The following ZC3H3 variants were observed in gnomAD, a reference collection of about 807,000 sequenced individuals.
ZC3H3 encodes the protein zinc finger CCCH domain-containing protein 3.
ZC3H3 carries 36 observed loss-of-function variants against 77.3 expected under a neutral mutation model. That is an observed-to-expected ratio of 0.47 (90% CI 0.36 to 0.61). The LOEUF (loss-of-function observed/expected upper bound fraction) is 0.61, where lower values mean the gene tolerates loss of function less well. ZC3H3 is among the 20% of genes least tolerant of loss of function. ZC3H3 has a pLI of 0.00. For missense variants in ZC3H3, 1,331 were observed against 1,312.2 expected (o/e 1.01, Z -0.22); for synonymous variants, 626 against 555.2 (o/e 1.13, Z -1.79).
Position 143,437,884 on chromosome 8 carries a change from G to A in ZC3H3, c.*172C>T, listed in dbSNP as rs1391246433. On this transcript the variant is annotated 3_prime_UTR_variant, in exon 12 of 12. Coordinates refer to ENST00000262577, the MANE Select transcript of ZC3H3 (RefSeq NM_015117.3). ...TTGGGGGAGGAAGACCAGGCCCTGC[G>A]CACACGCTGGTCATGGAAGGTTGAG... 23 of 875,918 alleles carry A rather than the reference G, an allele frequency of 2.6e-5. No homozygotes were observed. The highest frequency in any genetic ancestry group is 5.5e-5 in the East Asian group (2 of 36,512). 54.3% of individuals were successfully genotyped at this position (875,918 alleles called of 1,614,324 possible). A position where few individuals can be genotyped will look rare whatever the true frequency, so the allele number is the denominator to read the frequency against.
rs116596794 is a variant in ZC3H3, at chr8:143,496,204, G to A, written c.1715+11542C>T. Among the ~76,000 whole-genome samples, 246 of 152,278 alleles carry A rather than the reference G, an allele frequency of 1.6e-3. 1 individual carries two copies. Among genetic ancestry groups the A allele is most frequent in the African/African-American group, 5.8e-3 (242 of 41,540 alleles). On this transcript the variant is annotated intron_variant, in intron 4 of 11. Transcript: ENST00000262577. ...TGTCAGGGTGCGGGTGTGCATGGGA[G>A]TGGGAGCAGACACTCAACGCCCTTG...
At chr8:143,523,423 T>C in intron 3 of ZC3H3, 1 of 985,420 alleles carries the variant, frequency 1.0e-6, no homozygotes, top group Non-Finnish European at 1.2e-6. Context: ...GTGCCCTGTC[T>C]GGAAGGTGAT....
chr8:143,531,964 T>C (rs1822625733), intron 3 of ZC3H3, among the ~76,000 whole-genome samples: 2 of 152,234 alleles, frequency 1.3e-5, no homozygotes, highest in Admixed American at 6.5e-5. Context: ...TTAATGTTGA[T>C]TGTGACGGAA....
chr8:143,541,282 G>A, intron 1 of ZC3H3, 94 bp downstream of exon 1: 1 of 1,582,760 alleles, frequency 6.3e-7, no homozygotes, highest in South Asian at 1.1e-5. Flanking sequence ...GAACACGCGG[G>A]CGGTGAGCGA....
chr8:143,495,726 G>A (rs1309209385), intron 4 of ZC3H3, among the ~76,000 whole-genome samples: 3 of 151,232 alleles, frequency 2.0e-5, no homozygotes, highest in African/African-American at 4.9e-5. Flanking sequence ...GGGTACAGGT[G>A]CATGCCACCA....
Position 143,538,003 on chromosome 8 carries a change from C to A in ZC3H3, c.1364G>T (p.Ser455Ile). 1.3e-6 allele frequency: 2 copies of A among 1,597,022 alleles called. No individual in the cohort carries two copies. Among genetic ancestry groups the A allele is most frequent in the Non-Finnish European group, 8.5e-7 (1 of 1,170,950 alleles). Residue 455 changes from serine to isoleucine, a missense_variant and splice_region_variant, in exon 2 of 12, where the codon AGC becomes ATC. By Grantham distance (142) the Ser-to-Ile change is moderately radical. Transcript: ENST00000262577. Reference sequence around the variant, plus strand: ...TACCGCAGCCGGCCGGGATGCCCACCTTGTGCTGCTGCGTCTCCGGATGAT... The same window carrying A: ...TACCGCAGCCGGCCGGGATGCCCACATTGTGCTGCTGCGTCTCCGGATGAT... ...TKIIRRRSST[S>I]LPGDKKSGTS...
At chr8:143,480,816 C>T (rs545876541) in intron 4 of ZC3H3, among the ~76,000 whole-genome samples, 2 of 152,336 alleles carry the variant, frequency 1.3e-5, no homozygotes, top group African/African-American at 4.8e-5. Flanking sequence ...GTCAGCGTGA[C>T]TGGCACACTG....
intron 3 of ZC3H3, among the ~76,000 whole-genome samples, chr8:143,522,452 A>T (rs1822278227): frequency 6.6e-6 from 1 of 152,030 alleles, no homozygotes; most frequent in Non-Finnish European, 1.5e-5. Flanking sequence ...AAAACATAAA[A>T]ATTAGCCGGA....
chr8:143,485,356 A>G (rs141028041), intron 4 of ZC3H3, among the ~76,000 whole-genome samples: 24 of 152,350 alleles, frequency 1.6e-4, no homozygotes, highest in Middle Eastern at 3.4e-3. Flanking sequence ...GCATTCAGGA[A>G]TAACGAAGGG....
chr8:143,463,575 C>G (rs1337963399), intron 9 of ZC3H3, among the ~76,000 whole-genome samples: 1 of 152,210 alleles, frequency 6.6e-6, no homozygotes, highest in Admixed American at 6.5e-5. Flanking sequence ...ACACAGCTGG[C>G]TATTAAGACT....
intron 3 of ZC3H3, among the ~76,000 whole-genome samples, chr8:143,510,484 G>A (rs1279266526): frequency 1.3e-5 from 2 of 152,246 alleles, no homozygotes; most frequent in African/African-American, 2.4e-5. Flanking sequence ...AGTAGCAGAT[G>A]AATTCTGAGC....
rs1821727048 is a variant in ZC3H3, at chr8:143,507,217, G to C, written c.1715+529C>G. Among the ~76,000 whole-genome samples, 4 of 152,212 alleles carry C rather than the reference G, an allele frequency of 2.6e-5. No individual in the cohort carries two copies. In the South Asian group the frequency reaches 8.3e-4, roughly 32 times the overall value. ...GGGCAAAAGCTGTTCCCTGCCGACA[G>C]AGCCGCCCTCCCAGCCTGCATCGAG... On this transcript the variant is annotated intron_variant, in intron 4 of 11. Transcript: ENST00000262577.
intron 3 of ZC3H3, among the ~76,000 whole-genome samples, chr8:143,535,771 C>T (rs1008049161): frequency 6.6e-6 from 1 of 152,252 alleles, no homozygotes; most frequent in Non-Finnish European, 1.5e-5. Flanking sequence ...TAGAGTGGTA[C>T]AGCAGGAGAC....
chr8:143,484,810 G>C, intron 4 of ZC3H3: 1 of 435,958 alleles, frequency 2.3e-6, no homozygotes, highest in Non-Finnish European at 4.6e-6. Context: ...TGTCTAAAGA[G>C]ACTCACAGCA....
intron 4 of ZC3H3, 135 bp from the exon 5 acceptor site, chr8:143,475,720 C>T (rs1820715655): frequency 3.8e-6 from 4 of 1,061,794 alleles, no homozygotes. Context: ...GTACACACTC[C>T]AGCTGGGTGA....
At chr8:143,511,110 C>T (rs944746279) in intron 3 of ZC3H3, among the ~76,000 whole-genome samples, 4 of 152,392 alleles carry the variant, frequency 2.6e-5, no homozygotes, top group East Asian at 1.9e-4. Context: ...CTCTTGCACA[C>T]GGCACCATGC....
At chr8:143,468,335 C>T (rs939997057) in intron 7 of ZC3H3, 47 bp downstream of exon 7, 18 of 1,611,836 alleles carry the variant, frequency 1.1e-5, no homozygotes, top group Non-Finnish European at 1.4e-5. Flanking sequence ...AAGGGCAGGG[C>T]CCTGCACAGA....
At chr8:143,463,627 C>G (rs1820326907) in intron 9 of ZC3H3, among the ~76,000 whole-genome samples, 3 of 152,214 alleles carry the variant, frequency 2.0e-5, no homozygotes, top group African/African-American at 7.2e-5. Context: ...AGTCTCCCCC[C>G]AGCAAGACGT....
intron 4 of ZC3H3, among the ~76,000 whole-genome samples, chr8:143,495,287 A>G (rs547120863): frequency 6.6e-6 from 1 of 152,372 alleles, no homozygotes; most frequent in South Asian, 2.1e-4. Context: ...CAAGTGAGTG[A>G]GCCAAGCTGG....
Sources: gnomAD v4.1 joint callset for allele counts (sites outside exome capture counted in the v4.1 genomes callset) on GRCh38, gnomAD v4.1.1 for gene constraint, MANE v1.5 for transcripts, NCBI Gene and HGNC (gene_info 2026-07-23, HGNC 2026-07-21) for gene names.